Variants in PEG3 observed in about 807,000 individuals in gnomAD.
The protein encoded by PEG3 is paternally expressed 3.
In PEG3, 23 loss-of-function variants were observed where a neutral mutation model predicts 35.5. That is an observed-to-expected ratio of 0.65 (90% CI 0.47 to 0.92). The LOEUF is 0.92. Among genes scored for constraint, PEG3 ranks in the 40% least tolerant of loss-of-function variants. PEG3 has a pLI of 0.00. For synonymous variants in PEG3, 707 were observed against 697.0 expected (o/e 1.01, Z -0.23); for missense variants, 1,960 against 1,985.3 (o/e 0.99, Z 0.24).
rs565306797 is a variant in PEG3, at chr19:56,824,439, C to G, written c.217G>C (p.Asp73His). ...GTGCGGGTCTCCGGCTGCAACCAATCGAGGCAGAGGTTTCGGAGTTTGATC... is the reference window on the plus strand; with the variant it reads ...GTGCGGGTCTCCGGCTGCAACCAATGGAGGCAGAGGTTTCGGAGTTTGATC... ...TLIKLRNLCL[D>H]WLQPETRTKE... The change falls in exon 4 of 10, where the codon GAT becomes CAT. Residue 73 changes from aspartate to histidine, a missense_variant. This residue lies in a region of PEG3 where 613 missense variants were observed against 577.1 expected (regional missense o/e 1.06). Coordinates refer to ENST00000326441, the MANE Select transcript of PEG3 (RefSeq NM_006210.3). 6.2e-7 allele frequency: 1 copy of G among 1,614,072 alleles called. No homozygotes were observed. Among genetic ancestry groups the G allele is most frequent in the Non-Finnish European group, 8.5e-7 (1 of 1,180,020 alleles).
intron 7 of PEG3, among the ~76,000 whole-genome samples, chr19:56,819,074 G>C (rs1412819698): frequency 6.6e-6 from 1 of 152,218 alleles, no homozygotes; most frequent in East Asian, 1.9e-4. Flanking sequence ...AGTGTGCAAA[G>C]GTTTGTGGAG....
At chr19:56,839,760 T>C (rs1422249220) in intron 1 of PEG3, among the ~76,000 whole-genome samples, 1 of 151,244 alleles carries the variant, frequency 6.6e-6, no homozygotes, top group Non-Finnish European at 1.5e-5. Flanking sequence ...CTGCCACCAA[T>C]CAACCAGAAC....
rs1012587801 is a variant in PEG3, at chr19:56,813,490, A to C, written c.*185T>G. 36 of 1,394,022 alleles carry C rather than the reference A, an allele frequency of 2.6e-5. No individual in the cohort carries two copies. Among genetic ancestry groups the C allele is most frequent in the Non-Finnish European group, 3.3e-5 (36 of 1,074,764 alleles). 86.4% of individuals were successfully genotyped at this position (1,394,022 alleles called of 1,614,324 possible). ...GCAGACACTGACATCTGAAGGGGAAAGCTTAAGACTGTGGAATCTGCACAT... is the reference window on the plus strand; with the variant it reads ...GCAGACACTGACATCTGAAGGGGAACGCTTAAGACTGTGGAATCTGCACAT... On this transcript the variant is annotated 3_prime_UTR_variant, in exon 10 of 10. Transcript: ENST00000326441.
chr19:56,838,586 C>G (rs1031204279), intron 1 of PEG3, among the ~76,000 whole-genome samples: 4 of 152,222 alleles, frequency 2.6e-5, no homozygotes, highest in Admixed American at 2.0e-4. Context: ...CAGGCAACAA[C>G]AGGGGAAGGG....
In PEG3 at chr19:56,822,768, T is replaced by A. The variant is rs778726860; in HGVS notation, c.550A>T (p.Arg184Trp). 5.6e-6 allele frequency: 9 copies of A among 1,614,168 alleles called. No homozygotes were observed. The highest frequency in any genetic ancestry group is 7.6e-6 in the Non-Finnish European group (9 of 1,180,024). Residue 184 changes from arginine to tryptophan, a missense_variant, in exon 6 of 10, where the codon AGG becomes TGG. Around this residue, in one of 5 missense-constraint regions of PEG3, gnomAD observed 613 missense variants for 577.1 expected, o/e 1.06. Transcript: ENST00000326441. The stretch of plus-strand genomic sequence containing the variant: ...TAAGACTCACTGCTTCTTGGGTTCC[T>A]GGTGTGGGACCAGCGGTCTCGTGGC... Reference protein sequence around the residue: ...MEPRDRWSHTRNPRSRMPPRD... With the variant: ...MEPRDRWSHTWNPRSRMPPRD...
chr19:56,818,628 C>G lies in PEG3; in HGVS notation c.744G>C (p.Met248Ile). The change falls in exon 8 of 10, where the codon ATG (methionine) becomes ATC (isoleucine). Residue 248 changes from methionine (M) to isoleucine (I), a missense_variant. Transcript: ENST00000326441. Reference sequence around the variant, plus strand: ...GGGAGAGCAGCTTCCTGTAGTTTTCCATGTTGTCCTGGATTGTGTTGTGAG... The same window carrying G: ...GGGAGAGCAGCTTCCTGTAGTTTTCGATGTTGTCCTGGATTGTGTTGTGAG... The part of the protein sequence containing the change: ...RKPHNTIQDN[M>I]ENYRKLLSLV... The G allele has an allele frequency of 6.2e-7, 1 of 1,614,102 alleles. No homozygotes were observed. The highest frequency in any genetic ancestry group is 8.5e-7 in the Non-Finnish European group (1 of 1,180,018).
intron 5 of PEG3, 77 bp downstream of exon 5, chr19:56,823,516 C>G: frequency 6.3e-7 from 1 of 1,580,664 alleles, no homozygotes; most frequent in Non-Finnish European, 8.7e-7. Context: ...ATGGAGGCCC[C>G]AACCCACTGT....
Position 56,815,732 on chromosome 19 carries a change from G to A in PEG3, c.2710C>T (p.Pro904Ser). 1 of 1,614,140 alleles carries A rather than the reference G, an allele frequency of 6.2e-7. No individual in the cohort carries two copies. Among genetic ancestry groups the A allele is most frequent in the Non-Finnish European group, 8.5e-7 (1 of 1,180,012 alleles). ...CCCTCTCCAGGAACACTTTTCTGAGGTTTGGCACGGAATACACTCTGTATG... is the reference window on the plus strand; with the variant it reads ...CCCTCTCCAGGAACACTTTTCTGAGATTTGGCACGGAATACACTCTGTATG... ...SVIQSVFRAK[P>S]QKSVPGEGSG... The change falls in exon 10 of 10, where the codon CCT becomes TCT. Residue 904 changes from proline to serine, a missense_variant. Pro to Ser is a moderately conservative substitution (Grantham distance 74). Around this residue, in one of 5 missense-constraint regions of PEG3, gnomAD observed 798 missense variants for 782.4 expected, o/e 1.02. Transcript: ENST00000326441.
intron 7 of PEG3, 145 bp from the exon 8 acceptor site, chr19:56,818,847 G>T: frequency 1.1e-6 from 1 of 904,534 alleles, no homozygotes; most frequent in Non-Finnish European, 1.7e-6. Flanking sequence ...TCCAAGTCAA[G>T]TGTTACTAGG....
In PEG3 at chr19:56,810,101, T is replaced by C. The variant is rs2048010102; in HGVS notation, c.*3574A>G. On this transcript the variant is annotated 3_prime_UTR_variant, in exon 10 of 10. Transcript: ENST00000326441. ...GAAATATTTATTTTTAACTTTATTT[T>C]TATTGTTGACACTATTACAGATAGA... 15 of 916,850 alleles carry C rather than the reference T, an allele frequency of 1.6e-5. No individual in the cohort carries two copies. The highest frequency in any genetic ancestry group is 1.8e-5 in the African/African-American group (1 of 56,006). 56.8% of individuals were successfully genotyped at this position (916,850 alleles called of 1,614,324 possible). A position where few individuals can be genotyped will look rare whatever the true frequency, so the allele number is the denominator to read the frequency against.
intron 2 of PEG3, among the ~76,000 whole-genome samples, chr19:56,832,448 T>C (rs1310205903): frequency 3.3e-5 from 5 of 152,210 alleles, no homozygotes; most frequent in Non-Finnish European, 5.9e-5. Flanking sequence ...CTAGCCGTCA[T>C]ATGGCTCAAG....
intron 7 of PEG3, among the ~76,000 whole-genome samples, chr19:56,819,702 C>G (rs902430057): frequency 1.3e-5 from 2 of 152,222 alleles, no homozygotes; most frequent in Admixed American, 1.3e-4. Context: ...GAGTATCTAT[C>G]TGCTTTGCAA....
At chr19:56,840,376 T>C (rs1407934573) in intron 1 of PEG3, among the ~76,000 whole-genome samples, 2 of 151,820 alleles carry the variant, frequency 1.3e-5, no homozygotes, top group Non-Finnish European at 2.9e-5. Flanking sequence ...GCACCAACCA[T>C]CCACAGCCTG....
At chr19:56,823,463 T>A (rs931042441) in intron 5 of PEG3, 130 bp downstream of exon 5, 11 of 991,404 alleles carry the variant, frequency 1.1e-5, no homozygotes, top group African/African-American at 1.6e-5. Flanking sequence ...TCTCCTCAGA[T>A]CTCTGAGTGA....
chr19:56,831,835 C>T (rs1387076381), intron 2 of PEG3, among the ~76,000 whole-genome samples: 1 of 152,214 alleles, frequency 6.6e-6, no homozygotes, highest in East Asian at 1.9e-4. Flanking sequence ...AAAATCTATA[C>T]TTATGTTGTT....
intron 2 of PEG3, among the ~76,000 whole-genome samples, chr19:56,835,430 C>G (rs938922901): frequency 2.0e-5 from 3 of 152,154 alleles, no homozygotes; most frequent in Admixed American, 2.0e-4. Flanking sequence ...CAACAACAAC[C>G]CTATCCCCTC....
chr19:56,837,282 C>T (rs889432467), intron 1 of PEG3, among the ~76,000 whole-genome samples: 1 of 152,080 alleles, frequency 6.6e-6, no homozygotes, highest in Non-Finnish European at 1.5e-5. Flanking sequence ...CCCAGGGCAG[C>T]CTCCTAGTTC....
At position 56,816,949 on chromosome 19, in the gene PEG3, C is replaced by A; in HGVS notation, c.1493G>T (p.Ser498Ile). ...HSVAVSEVQK[S>I]QVGGKRFECK... ...TTCAAAACGTTTCCCTCCAACCTGA[C>A]TTTTCTGAACTTCACTGACAGCCAC... Residue 498 changes from serine (S) to isoleucine (I), a missense_variant, in exon 10 of 10, where the codon AGT (serine) becomes ATT (isoleucine). Physicochemically the swap from Ser to Ile is moderately radical, Grantham distance 142. This residue lies in a region of PEG3 where 798 missense variants were observed against 782.4 expected (regional missense o/e 1.02). Coordinates refer to ENST00000326441, the MANE Select transcript of PEG3 (RefSeq NM_006210.3). The A allele has an allele frequency of 1.9e-6, 3 of 1,614,198 alleles. No individual in the cohort carries two copies. Among genetic ancestry groups the A allele is most frequent in the Non-Finnish European group, 2.5e-6 (3 of 1,180,036 alleles).
At position 56,810,142 on chromosome 19, in the gene PEG3, T is replaced by G; in HGVS notation, c.*3533A>C. 1 of 974,582 alleles carries G rather than the reference T, an allele frequency of 1.0e-6. No individual in the cohort carries two copies. The highest frequency in any genetic ancestry group is 1.2e-6 in the Non-Finnish European group (1 of 820,052). 60.4% of individuals were successfully genotyped at this position (974,582 alleles called of 1,614,324 possible). On this transcript the variant is annotated 3_prime_UTR_variant, in exon 10 of 10. Transcript: ENST00000326441. The stretch of plus-strand genomic sequence containing the variant: ...TACAGATAGAATGACCACAACCATA[T>G]TAACAAACCAAAAACCTGTGCACAG...
Sources: gnomAD v4.1 joint callset for allele counts (sites outside exome capture counted in the v4.1 genomes callset) on GRCh38, gnomAD v4.1.1 for gene constraint, gnomAD v4.1.1 regional missense constraint, MANE v1.5 for transcripts, NCBI Gene and HGNC (gene_info 2026-07-23, HGNC 2026-07-21) for gene names.